The following MDGA2 variants were observed in gnomAD, a reference collection of about 807,000 sequenced individuals.
The protein encoded by MDGA2 is MAM domain-containing glycosylphosphatidylinositol anchor protein 2.
A neutral mutation model predicts 117.8 loss-of-function variants in MDGA2; 40 were observed. The ratio of observed to expected loss-of-function variants is 0.34; its 90% confidence interval spans 0.26 to 0.44. The LOEUF (loss-of-function observed/expected upper bound fraction) is 0.44, where lower values mean the gene tolerates loss of function less well. Among genes scored for constraint, MDGA2 ranks in the 20% least tolerant of loss-of-function variants. The pLI, the probability that MDGA2 is intolerant of heterozygous loss-of-function variation, is 1.00. For missense variants in MDGA2, 1,123 were observed against 1,250.6 expected, an observed-to-expected ratio of 0.90 and a Z score of 1.54; for synonymous variants, 452 against 439.0, an observed-to-expected ratio of 1.03 and a Z score of -0.37.
At chr14:47,587,165 G>A (rs1439803385) in intron 1 of MDGA2, among the ~76,000 whole-genome samples, 1 of 151,728 alleles carries the variant, frequency 6.6e-6, no homozygotes, top group Non-Finnish European at 1.5e-5. Context: ...ATCAGAGGTT[G>A]GAGGGGATGA....
At chr14:47,141,134 A>T (rs1490568279) in intron 4 of MDGA2, among the ~76,000 whole-genome samples, 3 of 152,116 alleles carry the variant, frequency 2.0e-5, no homozygotes, top group Admixed American at 2.0e-4. Context: ...TATCAAAAGG[A>T]CAAAAAATAA....
At chr14:47,469,168 T>TA (rs1443003125) in intron 1 of MDGA2, among the ~76,000 whole-genome samples, 22 of 152,124 alleles carry the variant, frequency 1.4e-4, no homozygotes, top group African/African-American at 5.3e-4. Context: ...TTTCTTTTTT[T>TA]ATTATTCTTT....
chr14:47,294,255 C>T (rs750113899), intron 2 of MDGA2, among the ~76,000 whole-genome samples: 1 of 151,926 alleles, frequency 6.6e-6, no homozygotes, highest in Non-Finnish European at 1.5e-5. Flanking sequence ...GTCACCACAC[C>T]TGGCTAATTT....
chr14:47,058,797 A>G (rs1184298863), intron 7 of MDGA2: 4 of 985,378 alleles, frequency 4.1e-6, no homozygotes, highest in African/African-American at 1.7e-5. Flanking sequence ...GTTAGGCATC[A>G]TCTTCTGTAG....
chr14:47,594,378 T>G (rs1896497002), intron 1 of MDGA2, among the ~76,000 whole-genome samples: 2 of 152,224 alleles, frequency 1.3e-5, no homozygotes, highest in Non-Finnish European at 2.9e-5. Flanking sequence ...CATCATTAAG[T>G]GTTAGCATAA....
intron 1 of MDGA2, among the ~76,000 whole-genome samples, chr14:47,559,657 C>G (rs1895757940): frequency 6.6e-6 from 1 of 151,826 alleles, no homozygotes; most frequent in African/African-American, 2.4e-5. Context: ...ACTGCAACCC[C>G]CGCCTCCCGG....
intron 16 of MDGA2, among the ~76,000 whole-genome samples, chr14:46,842,401 T>G (rs1198312465): frequency 6.6e-6 from 1 of 151,804 alleles, no homozygotes; most frequent in Non-Finnish European, 1.5e-5. Flanking sequence ...CTTCCCGAAG[T>G]GGATAAGCTT....
intron 9 of MDGA2, among the ~76,000 whole-genome samples, chr14:46,953,089 C>T (rs1404145124): frequency 6.6e-6 from 1 of 151,756 alleles, no homozygotes. Flanking sequence ...CTTCAAGATA[C>T]TATGCAAATG....
chr14:46,993,192 T>C (rs545441306), intron 8 of MDGA2, among the ~76,000 whole-genome samples: 1 of 152,284 alleles, frequency 6.6e-6, no homozygotes, highest in Non-Finnish European at 1.5e-5. Flanking sequence ...ATGCTTTTAA[T>C]AAAATAGCAT....
At chr14:47,213,533 G>A (rs921631195) in intron 3 of MDGA2, among the ~76,000 whole-genome samples, 8 of 151,966 alleles carry the variant, frequency 5.3e-5, no homozygotes, top group African/African-American at 1.9e-4. Context: ...TGACTGTTTG[G>A]AACTCTTATT....
At chr14:47,242,657 G>A (rs1057117278) in intron 2 of MDGA2, among the ~76,000 whole-genome samples, 17 of 151,898 alleles carry the variant, frequency 1.1e-4, no homozygotes, top group African/African-American at 3.4e-4. Context: ...TCGATTTCTC[G>A]CTGGGCCTTG....
intron 10 of MDGA2, among the ~76,000 whole-genome samples, chr14:46,919,290 A>G (rs1348627530): frequency 5.9e-5 from 9 of 152,202 alleles, no homozygotes; most frequent in Non-Finnish European, 5.9e-5. Context: ...GGAGAGAGCT[A>G]AAAGATTATG....
intron 1 of MDGA2, among the ~76,000 whole-genome samples, chr14:47,587,051 C>T (rs1274702171): frequency 6.6e-6 from 1 of 151,808 alleles, no homozygotes; most frequent in Non-Finnish European, 1.5e-5. Context: ...ATAATGAAGG[C>T]ATCAGGACCA....
At chr14:46,864,545 G>GCT (rs773215923) in intron 14 of MDGA2, among the ~76,000 whole-genome samples, 1 of 51,472 alleles carries the variant, frequency 1.9e-5, no homozygotes, top group Non-Finnish European at 3.9e-5. Flanking sequence ...AGATATTGCT[G>GCT]TTTTTTTTTT....
intron 8 of MDGA2, among the ~76,000 whole-genome samples, chr14:46,994,431 C>A (rs1887209839): frequency 6.6e-6 from 1 of 151,980 alleles, no homozygotes; most frequent in Non-Finnish European, 1.5e-5. Flanking sequence ...AGGATTGTGT[C>A]CTCAAGCTTT....
intron 1 of MDGA2, among the ~76,000 whole-genome samples, chr14:47,556,296 G>A (rs1383256864): frequency 6.6e-6 from 1 of 152,106 alleles, no homozygotes; most frequent in African/African-American, 2.4e-5. Context: ...CCAACTATCA[G>A]AACCTGTAAT....
At chr14:47,253,450 T>C (rs149353224) in intron 2 of MDGA2, among the ~76,000 whole-genome samples, 2 of 152,318 alleles carry the variant, frequency 1.3e-5, no homozygotes, top group Non-Finnish European at 2.9e-5. Context: ...ACACACACCA[T>C]GCAAGTTCAA....
At chr14:47,533,386 C>T (rs1433564286) in intron 1 of MDGA2, among the ~76,000 whole-genome samples, 2 of 152,186 alleles carry the variant, frequency 1.3e-5, no homozygotes, top group East Asian at 3.8e-4. Context: ...GGAAGACCCA[C>T]CAGCTGATTC....
intron 2 of MDGA2, among the ~76,000 whole-genome samples, chr14:47,259,470 A>C (rs1397990946): frequency 6.6e-6 from 1 of 152,080 alleles, no homozygotes; most frequent in Non-Finnish European, 1.5e-5. Flanking sequence ...CTCCTTAAAA[A>C]ACTCACAATG....
Sources: allele counts gnomAD v4.1 joint callset (sites outside exome capture counted in the v4.1 genomes callset), GRCh38; gene constraint gnomAD v4.1.1; transcripts MANE v1.5; gene names NCBI Gene and HGNC (gene_info 2026-07-23, HGNC 2026-07-21).